The following ACTR3 variants were observed in gnomAD, a reference collection of about 807,000 sequenced individuals.
ACTR3 encodes the protein actin related protein 3, also known as actin-related protein 3.
ACTR3 carries 12 observed loss-of-function variants against 56.8 expected under a neutral mutation model. The observed-to-expected ratio is 0.21, with a 90% confidence interval of 0.14 to 0.34. The LOEUF (loss-of-function observed/expected upper bound fraction) is 0.34. Among genes scored for constraint, ACTR3 ranks in the 10% least tolerant of loss-of-function variants. The pLI is 1.00. For missense variants in ACTR3, 282 were observed against 512.5 expected (o/e 0.55, Z 4.34); for synonymous variants, 162 against 167.4 (o/e 0.97, Z 0.25).
intron 3 of ACTR3, 103 bp from the exon 4 acceptor site, chr2:113,927,242 C>T (rs1241518729): frequency 4.6e-6 from 3 of 655,086 alleles, no homozygotes; most frequent in East Asian, 2.9e-5. Context: ...TGAATATATC[C>T]TCATCTAATA....
In ACTR3 at chr2:113,913,771, C is replaced by A. The variant is rs948345120; in HGVS notation, c.100+544C>A. ...GTCTTTAGAGTATTTTTGTTTTATCCTATTTTTGTTAATCTTGCTTAAGCT... is the reference window on the plus strand; with the variant it reads ...GTCTTTAGAGTATTTTTGTTTTATCATATTTTTGTTAATCTTGCTTAAGCT... On this transcript the variant is annotated intron_variant, in intron 2 of 11. Coordinates refer to ENST00000263238, the MANE Select transcript of ACTR3 (RefSeq NM_005721.5). Among the ~76,000 whole-genome samples, 14 of 152,200 alleles carry A rather than the reference C, an allele frequency of 9.2e-5. No homozygotes were observed. The South Asian group carries it at 2.9e-3, about 31-fold the overall frequency.
intron 1 of ACTR3, 96 bp downstream of exon 1, chr2:113,890,419 T>TGCC: frequency 7.4e-7 from 1 of 1,350,190 alleles, no homozygotes; most frequent in South Asian, 1.4e-5. Flanking sequence ...TGCGGCGAGG[T>TGCC]GCCGCCGCCG....
intron 6 of ACTR3, among the ~76,000 whole-genome samples, chr2:113,935,003 G>A (rs1364710676): frequency 6.6e-6 from 1 of 151,284 alleles, no homozygotes; most frequent in Non-Finnish European, 1.5e-5. Flanking sequence ...ATATTATAAT[G>A]AATATCACTT....
At chr2:113,894,439 A>G (rs1678966620) in intron 1 of ACTR3, among the ~76,000 whole-genome samples, 2 of 152,220 alleles carry the variant, frequency 1.3e-5, no homozygotes, top group Admixed American at 6.5e-5. Context: ...AATATTCACA[A>G]TAGCTTCTTA....
chr2:113,957,406 T>C lies in ACTR3; in HGVS notation c.1208T>C (p.Ile403Thr), dbSNP rs560194643. ...VCHTKKDYEE[I>T]GPSICRHNPV... ...CACACCAAAAAGGATTATGAAGAAA[T>C]TGGACCTAGCATTTGTCGTCACAAT... The change falls in exon 12 of 12, where the codon ATT becomes ACT. Residue 403 changes from isoleucine to threonine, a missense_variant. Physicochemically the swap from Ile to Thr is moderately conservative, Grantham distance 89. Transcript: ENST00000263238. 3 of 1,613,470 alleles carry C rather than the reference T, an allele frequency of 1.9e-6. No homozygotes were observed. The highest frequency in any genetic ancestry group is 1.7e-5 in the Admixed American group (1 of 59,972).
chr2:113,907,316 A>C lies in ACTR3; in HGVS notation c.45-5856A>C, dbSNP rs190744915. Among the ~76,000 whole-genome samples, 29 of 152,244 alleles carry C rather than the reference A, an allele frequency of 1.9e-4. No homozygotes were observed. In the East Asian group the frequency reaches 5.6e-3, roughly 29 times the overall value. ...AGACGGGGTCTTGCTCTGTTGCCCAACTGAAGTGCAGTGGGGCAGTCATAG... is the reference window on the plus strand; with the variant it reads ...AGACGGGGTCTTGCTCTGTTGCCCACCTGAAGTGCAGTGGGGCAGTCATAG... On this transcript the variant is annotated intron_variant, in intron 1 of 11. Coordinates refer to ENST00000263238, the MANE Select transcript of ACTR3 (RefSeq NM_005721.5).
intron 7 of ACTR3, among the ~76,000 whole-genome samples, chr2:113,941,809 A>G (rs1279626928): frequency 6.6e-6 from 1 of 152,110 alleles, no homozygotes; most frequent in Non-Finnish European, 1.5e-5. Flanking sequence ...CACAATTATT[A>G]CTTATTCTTC....
At position 113,962,215 on chromosome 2, in the gene ACTR3, A is replaced by G. The variant is rs1222552155; in HGVS notation, c.*4760A>G. ...TGCGTAAGGTAGTGGGGGATTACTAAGTGATCATGACTTTTCTGAAGCAGG... is the reference window on the plus strand; with the variant it reads ...TGCGTAAGGTAGTGGGGGATTACTAGGTGATCATGACTTTTCTGAAGCAGG... On this transcript the variant is annotated 3_prime_UTR_variant, in exon 12 of 12. Transcript: ENST00000263238. 1 of 151,982 alleles carries G rather than the reference A, an allele frequency of 6.6e-6. No homozygotes were observed. 9.4% of individuals were successfully genotyped at this position (151,982 alleles called of 1,614,324 possible).
At chr2:113,920,517 TCTAA>T (rs931686765) in intron 3 of ACTR3, among the ~76,000 whole-genome samples, 4 of 152,250 alleles carry the variant, frequency 2.6e-5, no homozygotes, top group Non-Finnish European at 2.9e-5. Flanking sequence ...AATTCTCTGT[TCTAA>T]CTATCTGAAA....
intron 8 of ACTR3, 62 bp downstream of exon 8, chr2:113,942,421 T>G (rs906802249): frequency 4.4e-6 from 5 of 1,148,864 alleles, no homozygotes; most frequent in Admixed American, 2.9e-5. Flanking sequence ...TAATAGATAT[T>G]CAGAGAGAAT....
At chr2:113,910,948 C>G (rs1245286953) in intron 1 of ACTR3, among the ~76,000 whole-genome samples, 3 of 152,150 alleles carry the variant, frequency 2.0e-5, no homozygotes, top group East Asian at 3.9e-4. Context: ...ATTAATAATT[C>G]ACTATTGGTT....
intron 2 of ACTR3, among the ~76,000 whole-genome samples, chr2:113,916,255 C>T (rs1167489558): frequency 6.6e-6 from 1 of 152,164 alleles, no homozygotes; most frequent in Non-Finnish European, 1.5e-5. Flanking sequence ...ATAACTTAAT[C>T]TAAAAATACA....
Position 113,957,436 on chromosome 2 carries a change from T to C in ACTR3, c.1238T>C (p.Val413Ala). The C allele has an allele frequency of 6.2e-7, 1 of 1,613,184 alleles. No homozygotes were observed. Among genetic ancestry groups the C allele is most frequent in the South Asian group, 1.1e-5 (1 of 91,040 alleles). ...IGPSICRHNP[V>A]FGVMS ...CCTAGCATTTGTCGTCACAATCCAG[T>C]GTTTGGAGTCATGTCGTAAAATTGG... is the stretch of plus-strand genomic sequence containing the variant. The change falls in exon 12 of 12, where the codon GTG becomes GCG. Residue 413 changes from valine to alanine, a missense_variant. By Grantham distance (64) the Val-to-Ala change is moderately conservative (BLOSUM62 0). Coordinates refer to ENST00000263238, the MANE Select transcript of ACTR3 (RefSeq NM_005721.5).
chr2:113,909,521 A>G (rs1171687588), intron 1 of ACTR3, among the ~76,000 whole-genome samples: 2 of 152,154 alleles, frequency 1.3e-5, no homozygotes, highest in Admixed American at 1.3e-4. Flanking sequence ...GTTGAAATGA[A>G]GATTAGTCAA....
chr2:113,906,986 T>G (rs1679206277), intron 1 of ACTR3, among the ~76,000 whole-genome samples: 1 of 152,182 alleles, frequency 6.6e-6, no homozygotes, highest in Admixed American at 6.5e-5. Flanking sequence ...TGCAAAAATG[T>G]TATTAGGATT....
chr2:113,951,817 G>T lies in ACTR3; in HGVS notation c.1049G>T (p.Ser350Ile), dbSNP rs1559491621. The T allele has an allele frequency of 6.2e-7, 1 of 1,613,572 alleles. No homozygotes were observed. Among genetic ancestry groups the T allele is most frequent in the Non-Finnish European group, 8.5e-7 (1 of 1,179,550 alleles). ...KRTVDARLKL[S>I]EELSGGRLKP... Reference sequence around the variant, plus strand: ...ACTGTAGATGCCCGGCTGAAATTAAGTGAGGAATTGAGTGGTGGTAGATTG... The same window carrying T: ...ACTGTAGATGCCCGGCTGAAATTAATTGAGGAATTGAGTGGTGGTAGATTG... Residue 350 changes from serine to isoleucine, a missense_variant, in exon 10 of 12, where the codon AGT becomes ATT. Transcript: ENST00000263238.
intron 5 of ACTR3, among the ~76,000 whole-genome samples, chr2:113,932,593 A>G (rs1574371829): frequency 6.6e-6 from 1 of 152,188 alleles, no homozygotes; most frequent in Non-Finnish European, 1.5e-5. Context: ...TCAGTAGTCA[A>G]TAACATTTCT....
chr2:113,897,366 T>C (rs141938419), intron 1 of ACTR3, among the ~76,000 whole-genome samples: 11 of 152,180 alleles, frequency 7.2e-5, no homozygotes, highest in African/African-American at 2.6e-4. Context: ...AAAATTCTAG[T>C]TTTTTTAAAG....
intron 6 of ACTR3, among the ~76,000 whole-genome samples, chr2:113,936,392 AT>A (rs1679827967): frequency 6.8e-6 from 1 of 148,098 alleles, no homozygotes; most frequent in Non-Finnish European, 1.5e-5. Flanking sequence ...TTAGTAGAGT[AT>A]TTTTTATTAT....
Sources: gnomAD v4.1 joint callset for allele counts (sites outside exome capture counted in the v4.1 genomes callset) on GRCh38, gnomAD v4.1.1 for gene constraint, MANE v1.5 for transcripts, NCBI Gene and HGNC (gene_info 2026-07-23, HGNC 2026-07-21) for gene names.